Variants in AOAH observed in about 807,000 individuals in gnomAD.
AOAH encodes the protein acyloxyacyl hydrolase (neutrophil).
AOAH carries 64 observed loss-of-function variants against 92.2 expected under a neutral mutation model. The observed-to-expected ratio is 0.69, with a 90% CI of 0.57 to 0.86. AOAH has a LOEUF of 0.86. Ranked by LOEUF, AOAH falls within the 40% of genes least tolerant of loss-of-function variation. AOAH has a pLI of 0.00. For missense variants in AOAH, 656 were observed against 694.6 expected, an observed-to-expected ratio of 0.94 and a Z score of 0.62; for synonymous variants, 263 against 254.5, an observed-to-expected ratio of 1.03 and a Z score of -0.32.
At chr7:36,692,936 G>A (rs188933181) in intron 1 of AOAH, among the ~76,000 whole-genome samples, 259 of 152,064 alleles carry the variant, frequency 1.7e-3, no homozygotes, top group Non-Finnish European at 2.7e-3. Context: ...GGGATAGGAG[G>A]AACTCATTCA....
chr7:36,545,730 A>G (rs2116270463), intron 15 of AOAH, among the ~76,000 whole-genome samples: 2 of 152,348 alleles, frequency 1.3e-5, no homozygotes, highest in Middle Eastern at 6.8e-3. Context: ...AAATGAAACC[A>G]TATCCATTTA....
rs146317516 is a variant in AOAH, at chr7:36,686,469, G to T, written c.223+230C>A. Among the ~76,000 whole-genome samples the T allele has an allele frequency of 4.9e-3, 745 of 152,264 alleles. 6 individuals carry two copies. The highest frequency in any genetic ancestry group is 0.017 in the African/African-American group (719 of 41,550). ...CCATTCAACATTTTATTCCCTAAGGGTCCACAGCAATTTCATTGTGCCATG... is the reference window on the plus strand; with the variant it reads ...CCATTCAACATTTTATTCCCTAAGGTTCCACAGCAATTTCATTGTGCCATG... On this transcript the variant is annotated intron_variant, in intron 2 of 20. Transcript: ENST00000617537.
At chr7:36,660,592 T>C (rs1461202422) in intron 3 of AOAH, among the ~76,000 whole-genome samples, 3 of 152,178 alleles carry the variant, frequency 2.0e-5, no homozygotes, top group Admixed American at 6.5e-5. Flanking sequence ...GCTGGGATTA[T>C]AGGCATGAGC....
intron 3 of AOAH, among the ~76,000 whole-genome samples, chr7:36,669,094 T>G (rs1795740866): frequency 6.6e-6 from 1 of 152,182 alleles, no homozygotes; most frequent in Non-Finnish European, 1.5e-5. Context: ...GGAGCAAGGA[T>G]GACCACATGG....
chr7:36,658,270 G>T (rs1334520268), intron 4 of AOAH, among the ~76,000 whole-genome samples: 2 of 151,942 alleles, frequency 1.3e-5, no homozygotes, highest in African/African-American at 4.8e-5. Context: ...TCATTGGTTA[G>T]GCCACAAAGC....
At chr7:36,693,544 C>T (rs1797536615) in intron 1 of AOAH, among the ~76,000 whole-genome samples, 1 of 151,704 alleles carries the variant, frequency 6.6e-6, no homozygotes, top group Non-Finnish European at 1.5e-5. Context: ...TTTTTTTGAT[C>T]ACACTATTGA....
At chr7:36,628,565 G>A (rs890828025) in intron 6 of AOAH, among the ~76,000 whole-genome samples, 1 of 152,188 alleles carries the variant, frequency 6.6e-6, no homozygotes, top group Non-Finnish European at 1.5e-5. Context: ...TGAAGAATGG[G>A]ATAAGGCGGA....
chr7:36,687,026 C>G (rs1220343849), intron 1 of AOAH, among the ~76,000 whole-genome samples: 1 of 152,180 alleles, frequency 6.6e-6, no homozygotes, highest in Non-Finnish European at 1.5e-5. Context: ...ACTTTCTCTC[C>G]TTTCTGCAGT....
At chr7:36,567,048 G>A (rs1442907048) in intron 13 of AOAH, among the ~76,000 whole-genome samples, 2 of 152,120 alleles carry the variant, frequency 1.3e-5, no homozygotes, top group Non-Finnish European at 2.9e-5. Context: ...CTGATCTCAA[G>A]TGATGCACCC....
At chr7:36,707,974 G>A (rs570230133) in intron 1 of AOAH, among the ~76,000 whole-genome samples, 1 of 151,846 alleles carries the variant, frequency 6.6e-6, no homozygotes, top group East Asian at 1.9e-4. Context: ...TTTATTTTTT[G>A]TAAAGATGGA....
At chr7:36,666,393 C>A (rs1245059772) in intron 3 of AOAH, among the ~76,000 whole-genome samples, 2 of 151,976 alleles carry the variant, frequency 1.3e-5, no homozygotes, top group Non-Finnish European at 2.9e-5. Flanking sequence ...GTAGTGATGT[C>A]TTCTCTTTCA....
intron 13 of AOAH, among the ~76,000 whole-genome samples, chr7:36,553,211 C>T (rs2116367464): frequency 1.4e-5 from 2 of 147,744 alleles, no homozygotes; most frequent in East Asian, 4.1e-4. Context: ...TGAGTGAGAA[C>T]ATGCGGTGTT....
chr7:36,649,200 T>C (rs1004149745), intron 4 of AOAH, among the ~76,000 whole-genome samples: 2 of 152,206 alleles, frequency 1.3e-5, no homozygotes, highest in Admixed American at 6.5e-5. Flanking sequence ...CGTGTTGAAT[T>C]GCCTCTCACA....
At chr7:36,642,324 A>G (rs1334704694) in intron 4 of AOAH, among the ~76,000 whole-genome samples, 1 of 152,156 alleles carries the variant, frequency 6.6e-6, no homozygotes, top group African/African-American at 2.4e-5. Context: ...AGGAAGAGAA[A>G]AAGACACATA....
chr7:36,517,959 A>G (rs886892998), intron 20 of AOAH, among the ~76,000 whole-genome samples: 3 of 148,256 alleles, frequency 2.0e-5, no homozygotes, highest in African/African-American at 5.0e-5. Flanking sequence ...ACACACACAC[A>G]CACACACACA....
At chr7:36,612,530 G>A (rs1791539711) in intron 11 of AOAH, among the ~76,000 whole-genome samples, 1 of 152,050 alleles carries the variant, frequency 6.6e-6, no homozygotes, top group South Asian at 2.1e-4. Context: ...ATATTCTTGA[G>A]CAGATAATTG....
intron 20 of AOAH, among the ~76,000 whole-genome samples, chr7:36,517,925 A>G (rs546902068): frequency 2.2e-5 from 1 of 45,616 alleles, no homozygotes; most frequent in Non-Finnish European, 7.1e-5. Flanking sequence ...GAACACACAC[A>G]CACACCCACA....
chr7:36,591,871 G>A (rs1266062487), intron 12 of AOAH, among the ~76,000 whole-genome samples: 1 of 152,184 alleles, frequency 6.6e-6, no homozygotes, highest in Non-Finnish European at 1.5e-5. Context: ...GCTGTAAGCA[G>A]AAAGAGATGA....
chr7:36,584,877 C>A (rs986346476), intron 12 of AOAH, among the ~76,000 whole-genome samples: 1 of 152,136 alleles, frequency 6.6e-6, no homozygotes, highest in Admixed American at 6.6e-5. Flanking sequence ...CATGGGCAAA[C>A]TGATATCCTT....
Sources: gnomAD v4.1 joint callset for allele counts (sites outside exome capture counted in the v4.1 genomes callset) on GRCh38, gnomAD v4.1.1 for gene constraint, MANE v1.5 for transcripts, NCBI Gene and HGNC (gene_info 2026-07-23, HGNC 2026-07-21) for gene names.